ROBO2: variants seen among roughly 807,000 people sequenced by gnomAD.
The protein encoded by ROBO2 is roundabout guidance receptor 2, also known as roundabout homolog 2.
Under a neutral mutation model 160.8 loss-of-function variants are expected in ROBO2, and 53 were observed. That is an observed-to-expected ratio of 0.33 (90% CI 0.26 to 0.41). The LOEUF is 0.41. Among genes scored for constraint, ROBO2 ranks in the 10% least tolerant of loss-of-function variants. ROBO2 has a pLI of 1.00. For missense variants in ROBO2, 1,577 were observed against 1,722.4 expected (o/e 0.92, Z 1.49); for synonymous variants, 664 against 611.7 (o/e 1.09, Z -1.26).
At chr3:76,955,449 C>T (rs573649931) in intron 2 of ROBO2, among the ~76,000 whole-genome samples, 1 of 152,276 alleles carries the variant, frequency 6.6e-6, no homozygotes, top group Non-Finnish European at 1.5e-5. Context: ...TTGTTTTCCA[C>T]GGTAACTATA....
intron 2 of ROBO2, among the ~76,000 whole-genome samples, chr3:77,130,176 T>C (rs570608503): frequency 1.3e-5 from 2 of 152,154 alleles, no homozygotes; most frequent in Non-Finnish European, 2.9e-5. Flanking sequence ...GACTCTCAAA[T>C]GGTCATTGTC....
intron 2 of ROBO2, among the ~76,000 whole-genome samples, chr3:76,615,056 C>T (rs1168418234): frequency 2.0e-5 from 3 of 152,188 alleles, no homozygotes; most frequent in Non-Finnish European, 4.4e-5. Flanking sequence ...TCCGGAATTT[C>T]TACCAATAGG....
chr3:76,742,270 A>G (rs2093814620), intron 2 of ROBO2, among the ~76,000 whole-genome samples: 1 of 152,148 alleles, frequency 6.6e-6, no homozygotes, highest in Non-Finnish European at 1.5e-5. Context: ...TGTGTTTCTA[A>G]ACAATGAAGG....
chr3:76,193,764 A>G (rs1424261762), intron 2 of ROBO2, among the ~76,000 whole-genome samples: 1 of 152,244 alleles, frequency 6.6e-6, no homozygotes, highest in Admixed American at 6.5e-5. Flanking sequence ...ACAAAGCTGG[A>G]CTTGTTTACT....
chr3:76,108,767 A>G (rs2070071922), intron 2 of ROBO2, among the ~76,000 whole-genome samples: 1 of 151,380 alleles, frequency 6.6e-6, no homozygotes, highest in Non-Finnish European at 1.5e-5. Context: ...AATTTAACTT[A>G]ATTAGAATTT....
At chr3:76,429,909 T>C (rs2076367507) in intron 2 of ROBO2, among the ~76,000 whole-genome samples, 1 of 152,052 alleles carries the variant, frequency 6.6e-6, no homozygotes, top group Non-Finnish European at 1.5e-5. Context: ...ACCCAATTGC[T>C]TTGGGAGATG....
At chr3:76,514,525 T>C (rs2081256973) in intron 2 of ROBO2, among the ~76,000 whole-genome samples, 1 of 152,188 alleles carries the variant, frequency 6.6e-6, no homozygotes, top group Non-Finnish European at 1.5e-5. Flanking sequence ...TTTATAAAAA[T>C]AATAATAATG....
chr3:76,392,372 G>A (rs767131441), intron 2 of ROBO2, among the ~76,000 whole-genome samples: 2 of 152,078 alleles, frequency 1.3e-5, no homozygotes, highest in Non-Finnish European at 2.9e-5. Context: ...AAAACCTCAT[G>A]AATTGTACAG....
In ROBO2 at chr3:77,322,116, A is replaced by G. The variant is rs373061122; in HGVS notation, c.389-155298A>G. On this transcript the variant is annotated intron_variant, in intron 2 of 25. Coordinates refer to ENST00000461745, the Ensembl canonical transcript of ROBO2. ...TTATACCATAATAAATAATCAAATG[A>G]GAGAATATGAGGTTTGGTTCCCCAG... Among the ~76,000 whole-genome samples the G allele has an allele frequency of 1.1e-4, 16 of 152,274 alleles. 1 individual carries two copies. The highest frequency in any genetic ancestry group is 5.9e-4 in the Admixed American group (9 of 15,298).
At chr3:77,466,071 G>T (rs2082729791) in intron 2 of ROBO2, among the ~76,000 whole-genome samples, 1 of 152,144 alleles carries the variant, frequency 6.6e-6, no homozygotes, top group Non-Finnish European at 1.5e-5. Context: ...AGTAGCAAAA[G>T]AAAAGAAGGT....
chr3:76,435,494 C>A, intron 2 of ROBO2: 1 of 669,602 alleles, frequency 1.5e-6, no homozygotes, highest in Non-Finnish European at 2.7e-6. Context: ...CAAGATGGTT[C>A]TTTTCGCGAT....
intron 2 of ROBO2, among the ~76,000 whole-genome samples, chr3:77,323,307 C>G (rs1207119299): frequency 3.3e-5 from 5 of 151,638 alleles, no homozygotes; most frequent in African/African-American, 1.2e-4. Context: ...CCTCCTTTGG[C>G]AATACTCACC....
intron 2 of ROBO2, among the ~76,000 whole-genome samples, chr3:76,215,459 C>A (rs1703448200): frequency 6.6e-6 from 1 of 152,046 alleles, no homozygotes; most frequent in Admixed American, 6.6e-5. Context: ...GCAGAGAAGT[C>A]CTTAAAGGAC....
At chr3:77,204,547 G>T (rs1448899270) in intron 2 of ROBO2, among the ~76,000 whole-genome samples, 5 of 151,992 alleles carry the variant, frequency 3.3e-5, no homozygotes, top group Non-Finnish European at 1.5e-5. Context: ...AAATCTATAT[G>T]TTTAAGTTTG....
chr3:77,325,676 G>C (rs2065302349), intron 2 of ROBO2, among the ~76,000 whole-genome samples: 1 of 152,178 alleles, frequency 6.6e-6, no homozygotes. Flanking sequence ...AATGGAGAAA[G>C]AAAACTCACC....
chr3:75,951,754 G>T (rs1948544433), intron 2 of ROBO2, among the ~76,000 whole-genome samples: 1 of 151,598 alleles, frequency 6.6e-6, no homozygotes, highest in Non-Finnish European at 1.5e-5. Flanking sequence ...GCTCATGTGT[G>T]GTGGAAAAAA....
chr3:76,517,166 C>T (rs1045646754), intron 2 of ROBO2, among the ~76,000 whole-genome samples: 3 of 152,034 alleles, frequency 2.0e-5, no homozygotes, highest in Non-Finnish European at 4.4e-5. Context: ...TGGGGACATG[C>T]GTGCATGTGA....
In ROBO2 at chr3:77,606,874, A is replaced by G. The variant is rs187348226; in HGVS notation, c.3137-924A>G. Among the ~76,000 whole-genome samples, 622 of 152,316 alleles carry G rather than the reference A, an allele frequency of 4.1e-3. 6 individuals carry two copies. The highest frequency in any genetic ancestry group is 6.8e-3 in the South Asian group (33 of 4,830). On this transcript the variant is annotated intron_variant, in intron 20 of 25. Coordinates refer to ENST00000461745, the Ensembl canonical transcript of ROBO2. Reference sequence around the variant, plus strand: ...CTGTGGTGGGAGCCACAGAAGTTATATAGTGTCCCCTGAAATGTCCTTTGT... The same window carrying G: ...CTGTGGTGGGAGCCACAGAAGTTATGTAGTGTCCCCTGAAATGTCCTTTGT...
At chr3:77,051,158 A>C (rs2065193866) in intron 1 of ROBO2, among the ~76,000 whole-genome samples, 1 of 152,220 alleles carries the variant, frequency 6.6e-6, no homozygotes, top group African/African-American at 2.4e-5. Context: ...CTATCATGAA[A>C]CATGTAAATA....
Sources: gnomAD v4.1 joint callset for allele counts (sites outside exome capture counted in the v4.1 genomes callset) on GRCh38, gnomAD v4.1.1 for gene constraint, MANE v1.5 for transcripts, NCBI Gene and HGNC (gene_info 2026-07-23, HGNC 2026-07-21) for gene names.